CEP83: variants seen among roughly 807,000 people sequenced by gnomAD.
CEP83 encodes centrosomal protein 83, also known as centrosomal protein of 83 kDa.
A neutral mutation model predicts 101.9 loss-of-function variants in CEP83; 70 were observed. The observed-to-expected ratio is 0.69, with a 90% CI of 0.57 to 0.84. CEP83 has a LOEUF of 0.84. Ranked by LOEUF, CEP83 falls within the 40% of genes least tolerant of loss-of-function variation. The pLI is 0.00. For synonymous variants in CEP83, 264 were observed against 267.9 expected, an observed-to-expected ratio of 0.99 and a Z score of 0.14; for missense variants, 715 against 787.2, an observed-to-expected ratio of 0.91 and a Z score of 1.10.
At chr12:94,412,691 T>TC (rs2063965795) in intron 2 of CEP83, 100 bp from the exon 3 acceptor site, 4 of 366,244 alleles carry the variant, frequency 1.1e-5, no homozygotes, top group African/African-American at 2.8e-5. Context: ...TCTTTTTTTT[T>TC]TCTTTTTTTT....
At chr12:94,274,668 A>C in the CEP83 span, among the ~76,000 whole-genome samples, 1 of 152,222 alleles carries the variant, frequency 6.6e-6, no homozygotes, top group Non-Finnish European at 1.5e-5. Flanking sequence ...TCTGGGTATT[A>C]TGCCATCCCA....
At chr12:94,343,521 C>T (rs1212322922) in intron 11 of CEP83, among the ~76,000 whole-genome samples, 1 of 124,250 alleles carries the variant, frequency 8.0e-6, no homozygotes, top group Non-Finnish European at 1.6e-5. Flanking sequence ...CTCGCTCTGT[C>T]GCCCAGGCCG....
chr12:94,365,254 G>A lies in CEP83; in HGVS notation c.1343+2540C>T, dbSNP rs117752005. 7.9e-4 allele frequency among the ~76,000 whole-genome samples: 120 copies of A among 152,178 alleles called. 1 individual carries two copies. In the East Asian group the frequency reaches 0.022, roughly 28 times the overall value. On this transcript the variant is annotated intron_variant, in intron 11 of 16. Transcript: ENST00000397809. Reference sequence around the variant, plus strand: ...TATAAAAATGGCCCTTAAACACATGGAACATTGTTCAATCTCATTTGTAAT... The same window carrying A: ...TATAAAAATGGCCCTTAAACACATGAAACATTGTTCAATCTCATTTGTAAT...
the CEP83 span, chr12:94,279,812 T>C: frequency 2.8e-6 from 2 of 727,214 alleles, no homozygotes; most frequent in East Asian, 5.4e-5. Context: ...AAGAGACTGC[T>C]TTGGTCTCTC....
At chr12:94,358,341 G>A (rs543716025) in intron 11 of CEP83, among the ~76,000 whole-genome samples, 3 of 152,000 alleles carry the variant, frequency 2.0e-5, no homozygotes, top group African/African-American at 4.8e-5. Context: ...TCCCTGGTAC[G>A]GGACTAGAAA....
intron 6 of CEP83, among the ~76,000 whole-genome samples, chr12:94,400,401 A>C (rs1034845586): frequency 6.6e-6 from 1 of 152,202 alleles, no homozygotes; most frequent in Non-Finnish European, 1.5e-5. Context: ...CTATTTCTTG[A>C]AGTTGATGGG....
intron 2 of CEP83, among the ~76,000 whole-genome samples, chr12:94,434,399 G>A (rs1033183163): frequency 4.6e-5 from 7 of 152,086 alleles, no homozygotes; most frequent in African/African-American, 1.7e-4. Flanking sequence ...GACACCTTGT[G>A]GTAAGACTTT....
chr12:94,327,519 A>G (rs966564367), intron 14 of CEP83, among the ~76,000 whole-genome samples: 3 of 152,180 alleles, frequency 2.0e-5, no homozygotes, highest in Non-Finnish European at 4.4e-5. Flanking sequence ...CTAGTTACCT[A>G]TATAATATCT....
intron 2 of CEP83, chr12:94,424,295 C>A: frequency 1.2e-6 from 2 of 1,614,148 alleles, no homozygotes; most frequent in Non-Finnish European, 1.7e-6. Context: ...TTGGTTCTGT[C>A]GTTTCTTTGG....
intron 11 of CEP83, among the ~76,000 whole-genome samples, chr12:94,355,519 A>G (rs1337791147): frequency 6.6e-6 from 1 of 152,180 alleles, no homozygotes; most frequent in Non-Finnish European, 1.5e-5. Context: ...AACAAGAACA[A>G]ACAAAGCCCA....
chr12:94,378,991 CATT>C lies in CEP83; in HGVS notation c.598_600del (p.Asn200del). The C allele has an allele frequency of 6.2e-7, 1 of 1,613,486 alleles. No homozygotes were observed. ...CGTTTGCTGTCTTTTGTGAGATCAA[CATT>C]AAGCAGCTGGTTACGTAGTTCTTCT... On this transcript the variant is annotated inframe_deletion, in exon 7 of 17. Coordinates refer to ENST00000397809, the MANE Select transcript of CEP83 (RefSeq NM_016122.3).
intron 2 of CEP83, chr12:94,434,076 A>G (rs1408796874): frequency 6.8e-6 from 1 of 146,004 alleles, no homozygotes; most frequent in African/African-American, 2.4e-5. Flanking sequence ...AAGACATAAA[A>G]TAAGGATTTT....
chr12:94,347,448 A>G (rs1009590579), intron 11 of CEP83, among the ~76,000 whole-genome samples: 1 of 152,188 alleles, frequency 6.6e-6, no homozygotes, highest in Admixed American at 6.5e-5. Flanking sequence ...ATATATTGCT[A>G]GTTGGAATGA....
chr12:94,454,362 C>T (rs569813160), intron 1 of CEP83, among the ~76,000 whole-genome samples: 3 of 152,162 alleles, frequency 2.0e-5, no homozygotes, highest in Non-Finnish European at 4.4e-5. Flanking sequence ...ATGAAGCCAG[C>T]TGGGATTCTG....
At chr12:94,422,212 C>T (rs1334924335) in intron 2 of CEP83, among the ~76,000 whole-genome samples, 3 of 152,182 alleles carry the variant, frequency 2.0e-5, no homozygotes, top group Non-Finnish European at 4.4e-5. Flanking sequence ...TGTGAAGTCC[C>T]GTTCCAGCCA....
intron 2 of CEP83, among the ~76,000 whole-genome samples, chr12:94,426,260 T>C (rs965469137): frequency 1.3e-5 from 2 of 152,256 alleles, no homozygotes; most frequent in Non-Finnish European, 2.9e-5. Context: ...GAAGGCTTTT[T>C]CCATCTCTTT....
At chr12:94,272,536 A>G in the CEP83 span, among the ~76,000 whole-genome samples, 3 of 152,196 alleles carry the variant, frequency 2.0e-5, no homozygotes, top group East Asian at 5.8e-4. Context: ...ACCATCTCCC[A>G]GTGCCTCCTG....
At chr12:94,267,608 G>T in the CEP83 span, among the ~76,000 whole-genome samples, 2 of 152,108 alleles carry the variant, frequency 1.3e-5, no homozygotes, top group Admixed American at 6.5e-5. Context: ...GTTTTTAGGG[G>T]CCTTGCCTTT....
intron 14 of CEP83, among the ~76,000 whole-genome samples, chr12:94,319,032 C>T (rs1971173753): frequency 6.6e-6 from 1 of 152,182 alleles, no homozygotes; most frequent in East Asian, 1.9e-4. Context: ...GTGAATCCAT[C>T]TGGCCCTGGG....
Sources: gnomAD v4.1 joint callset for allele counts (sites outside exome capture counted in the v4.1 genomes callset) on GRCh38, gnomAD v4.1.1 for gene constraint, MANE v1.5 for transcripts, NCBI Gene and HGNC (gene_info 2026-07-23, HGNC 2026-07-21) for gene names.